Variants in EFL1 observed in about 807,000 individuals in gnomAD.
The protein encoded by EFL1 is elongation factor-like GTPase 1.
EFL1 carries 76 observed loss-of-function variants against 126.7 expected under a neutral mutation model. The observed-to-expected ratio is 0.60, with a 90% CI of 0.50 to 0.73. EFL1 has a LOEUF of 0.73. Ranked by LOEUF, EFL1 falls within the 30% of genes least tolerant of loss-of-function variation. The pLI, the probability that EFL1 is intolerant of heterozygous loss-of-function variation, is 0.00. For missense variants in EFL1, 1,128 were observed against 1,343.2 expected (o/e 0.84, Z 2.50); for synonymous variants, 410 against 448.4 (o/e 0.91, Z 1.08).
chr15:82,258,825 C>T (rs182559789), intron 3 of EFL1, among the ~76,000 whole-genome samples: 1 of 152,322 alleles, frequency 6.6e-6, no homozygotes. Context: ...GAATCTCTTG[C>T]GCTGTGAAAT....
At chr15:82,141,582 C>G (rs922225317) in intron 18 of EFL1, among the ~76,000 whole-genome samples, 3 of 150,860 alleles carry the variant, frequency 2.0e-5, no homozygotes, top group African/African-American at 7.3e-5. Flanking sequence ...GCAGGAGAAT[C>G]GCTTGGAGGA....
intron 3 of EFL1, among the ~76,000 whole-genome samples, chr15:82,258,003 T>C (rs1444645424): frequency 2.0e-5 from 3 of 152,136 alleles, no homozygotes; most frequent in African/African-American, 2.4e-5. Flanking sequence ...CTCTAGATAG[T>C]ATCTTGGGCC....
chr15:82,145,977 GA>G (rs1467944761), intron 18 of EFL1, among the ~76,000 whole-genome samples: 1 of 151,326 alleles, frequency 6.6e-6, no homozygotes, highest in Non-Finnish European at 1.5e-5. Flanking sequence ...AGATTAGAAG[GA>G]AAAAATACAA....
intron 15 of EFL1, among the ~76,000 whole-genome samples, chr15:82,212,841 A>T (rs1462344801): frequency 6.6e-6 from 1 of 152,248 alleles, no homozygotes; most frequent in Non-Finnish European, 1.5e-5. Context: ...AAAAATGAGC[A>T]TATATACAGA....
At chr15:82,158,702 G>C (rs1254590850) in intron 16 of EFL1, among the ~76,000 whole-genome samples, 4 of 152,206 alleles carry the variant, frequency 2.6e-5, no homozygotes, top group African/African-American at 9.6e-5. Flanking sequence ...GCAATGCAAT[G>C]ATTTTCAACA....
chr15:82,152,326 C>T lies in EFL1; in HGVS notation c.2128G>A (p.Gly710Ser), dbSNP rs1056295681. The T allele has an allele frequency of 6.2e-6, 10 of 1,613,848 alleles. No homozygotes were observed. Among genetic ancestry groups the T allele is most frequent in the Non-Finnish European group, 8.5e-6 (10 of 1,180,028 alleles). The stretch of plus-strand genomic sequence containing the variant: ...ATGACTGCAACTTTTTGCTGTTTGC[C>T]TATTTCTTCATTGACCATGTCAACT... Reference protein sequence around the residue: ...PKVDMVNEEIGKQQKVAVIHQ... With the variant: ...PKVDMVNEEISKQQKVAVIHQ... Residue 710 changes from glycine (G) to serine (S), a missense_variant, in exon 18 of 20, where the codon GGC becomes AGC. Physicochemically the swap from Gly to Ser is moderately conservative, Grantham distance 56 (BLOSUM62 0). This residue lies in a region of EFL1 where 561 missense variants were observed against 641.7 expected (regional missense o/e 0.87). Transcript: ENST00000268206.
intron 8 of EFL1, among the ~76,000 whole-genome samples, chr15:82,230,016 C>T (rs997442059): frequency 6.6e-6 from 1 of 152,150 alleles, no homozygotes; most frequent in African/African-American, 2.4e-5. Flanking sequence ...ATGCTCTTTC[C>T]CACTTAGCTA....
intron 15 of EFL1, among the ~76,000 whole-genome samples, chr15:82,195,740 G>T (rs2074401541): frequency 6.6e-6 from 1 of 152,096 alleles, no homozygotes; most frequent in Admixed American, 6.5e-5. Context: ...ACCTGGGAGG[G>T]GAGCACACAG....
At position 82,172,653 on chromosome 15, in the gene EFL1, C is replaced by A. The variant is rs540670737; in HGVS notation, c.1751-8669G>T. On this transcript the variant is annotated intron_variant, in intron 15 of 19. Coordinates refer to ENST00000268206, the MANE Select transcript of EFL1 (RefSeq NM_024580.6). ...CGAATTTTCAGAAATGGAATTACCACGTAAATCAAAGGAAGAATGAACTTG... is the reference window on the plus strand; with the variant it reads ...CGAATTTTCAGAAATGGAATTACCAAGTAAATCAAAGGAAGAATGAACTTG... Among the ~76,000 whole-genome samples the A allele has an allele frequency of 2.0e-5, 3 of 152,274 alleles. No individual in the cohort carries two copies. In the South Asian group the frequency reaches 6.2e-4, roughly 32 times the overall value.
At chr15:82,224,338 C>T (rs1383456952) in intron 12 of EFL1, among the ~76,000 whole-genome samples, 1 of 152,198 alleles carries the variant, frequency 6.6e-6, no homozygotes, top group Non-Finnish European at 1.5e-5. Context: ...GGCTTTATCA[C>T]TTGACATACA....
intron 17 of EFL1, among the ~76,000 whole-genome samples, chr15:82,155,486 G>A (rs1204452807): frequency 6.6e-6 from 1 of 152,106 alleles, no homozygotes; most frequent in Non-Finnish European, 1.5e-5. Flanking sequence ...TGAGCAATGG[G>A]AGTGCCTTTT....
rs781304266 is a variant in EFL1 at position 82,151,484 on chromosome 15, C to T, written c.2970G>A (p.Met990Ile). The change falls in exon 18 of 20, where the codon ATG (methionine) becomes ATA (isoleucine). Residue 990 changes from methionine (M) to isoleucine (I), a missense_variant. By Grantham distance (10) the Met-to-Ile change is conservative. Coordinates refer to ENST00000268206, the MANE Select transcript of EFL1 (RefSeq NM_024580.6). ...LMAAMYTCDIMATGDVLGRVY... is the reference protein window; with the variant it reads ...LMAAMYTCDIIATGDVLGRVY... ...CCTTACCGAGAACATCACCAGTGGC[C>T]ATGATGTCACATGTGTACATAGCTG... The T allele has an allele frequency of 2.5e-6, 4 of 1,610,632 alleles. No individual in the cohort carries two copies. Among genetic ancestry groups the T allele is most frequent in the South Asian group, 1.1e-5 (1 of 90,340 alleles).
In EFL1 at chr15:82,245,817, A is replaced by C. The variant is rs556753965; in HGVS notation, c.245-4414T>G. Among the ~76,000 whole-genome samples, 250 of 151,760 alleles carry C rather than the reference A, an allele frequency of 1.6e-3. 1 individual carries two copies. The highest frequency in any genetic ancestry group is 4.2e-3 in the South Asian group (20 of 4,798). ...AGGCATGGTGGCACATGCCTGCAGT[A>C]TTAGCTACTCGGGAGGCTGAGGCAG... On this transcript the variant is annotated intron_variant, in intron 4 of 19. Transcript: ENST00000268206.
At chr15:82,170,998 CAAAA>C (rs2074129629) in intron 15 of EFL1, among the ~76,000 whole-genome samples, 1 of 152,008 alleles carries the variant, frequency 6.6e-6, no homozygotes, top group Non-Finnish European at 1.5e-5. Context: ...TGTTTTAAGA[CAAAA>C]AGAAAGGGGA....
rs373690162 is a variant in EFL1, at chr15:82,247,610, T to C, written c.244+5081A>G. Among the ~76,000 whole-genome samples, 15 of 152,040 alleles carry C rather than the reference T, an allele frequency of 9.9e-5. 1 individual carries two copies. The South Asian group carries it at 2.9e-3, about 30-fold the overall frequency. On this transcript the variant is annotated intron_variant, in intron 4 of 19. Transcript: ENST00000268206. Reference sequence around the variant, plus strand: ...CAGAGATACGTGGAACATGAATGAATGAGTAGCATTCACTTGGAAAAGGTA... The same window carrying C: ...CAGAGATACGTGGAACATGAATGAACGAGTAGCATTCACTTGGAAAAGGTA...
intron 19 of EFL1, 36 bp downstream of exon 19, chr15:82,138,622 G>A (rs775303934): frequency 6.2e-7 from 1 of 1,604,458 alleles, no homozygotes; most frequent in South Asian, 1.1e-5. Flanking sequence ...ATCCATAGAT[G>A]AGAAGGAAGG....
At position 82,219,810 on chromosome 15, in the gene EFL1, G is replaced by A; in HGVS notation, c.1453C>T (p.Gln485Ter). The change falls in exon 14 of 20, where the codon CAA (glutamine) becomes TAA (stop). Residue 485 changes from glutamine (Q) to a stop codon, truncating the protein, a stop_gained. Coordinates refer to ENST00000268206, the MANE Select transcript of EFL1 (RefSeq NM_024580.6). LOFTEE classifies it high-confidence loss of function. ...PKGEEPRGDE[Q>*]QVESMTPKPV... The stretch of plus-strand genomic sequence containing the variant: ...TTAGGGGTCATACTTTCCACCTGTT[G>A]CTCGTCACCTGACAGAAACAAAAAG... The A allele has an allele frequency of 6.2e-7, 1 of 1,603,574 alleles. No individual in the cohort carries two copies. Among genetic ancestry groups the A allele is most frequent in the Non-Finnish European group, 8.5e-7 (1 of 1,177,358 alleles).
chr15:82,158,867 G>A lies in EFL1; in HGVS notation c.1883-1007C>T, dbSNP rs189350513. Among the ~76,000 whole-genome samples, 5 of 152,304 alleles carry A rather than the reference G, an allele frequency of 3.3e-5. No individual in the cohort carries two copies. The East Asian group carries it at 7.7e-4, about 23-fold the overall frequency. ...TATATGAGCTCATTAACGATGAGGC[G>A]GTATGATGATTGTTCTCATTTTATA... On this transcript the variant is annotated intron_variant, in intron 16 of 19. Transcript: ENST00000268206.
At chr15:82,147,822 A>G (rs542447439) in intron 18 of EFL1, among the ~76,000 whole-genome samples, 1 of 152,074 alleles carries the variant, frequency 6.6e-6, no homozygotes, top group South Asian at 2.1e-4. Context: ...CCCCTCCTCA[A>G]CCCCTATTTT....
Sources: allele counts gnomAD v4.1 joint callset (sites outside exome capture counted in the v4.1 genomes callset), GRCh38; gene constraint gnomAD v4.1.1; regional missense constraint gnomAD v4.1.1; transcripts MANE v1.5; gene names NCBI Gene and HGNC (gene_info 2026-07-23, HGNC 2026-07-21).